Variants in HTT observed in about 807,000 individuals in gnomAD.
HTT encodes huntington disease protein.
HTT carries 104 observed loss-of-function variants against 362.3 expected under a neutral mutation model. The observed-to-expected ratio is 0.29, with a 90% CI of 0.24 to 0.34. HTT has a LOEUF of 0.34. HTT is among the 10% of genes least tolerant of loss of function. The pLI, the probability that HTT is intolerant of heterozygous loss-of-function variation, is 1.00. For missense variants in HTT, 3,301 were observed against 3,928.6 expected (o/e 0.84, Z 4.27); for synonymous variants, 1,577 against 1,548.7 (o/e 1.02, Z -0.43).
At chr4:3,085,501 T>C (rs550184861) in intron 1 of HTT, among the ~76,000 whole-genome samples, 1 of 152,238 alleles carries the variant, frequency 6.6e-6, no homozygotes, top group Admixed American at 6.5e-5. Context: ...AAGCCAGGAC[T>C]GTTCTTACCC....
intron 5 of HTT, among the ~76,000 whole-genome samples, chr4:3,105,832 T>C (rs1278214160): frequency 6.6e-6 from 1 of 152,234 alleles, no homozygotes; most frequent in African/African-American, 2.4e-5. Context: ...TATAGCAAAA[T>C]ATCCATTTGT....
chr4:3,242,609 G>A lies in HTT; in HGVS notation c.*2550G>A, dbSNP rs1721856996. ...CACTAGGATCCCACTGGCGAAGATG[G>A]TCTCCATATCAGCTCTCTGCAGAAG... On this transcript the variant is annotated 3_prime_UTR_variant, in exon 67 of 67. Transcript: ENST00000355072. 1 of 152,198 alleles carries A rather than the reference G, an allele frequency of 6.6e-6. No individual in the cohort carries two copies. The highest frequency in any genetic ancestry group is 2.4e-5 in the African/African-American group (1 of 41,436). 9.4% of individuals were successfully genotyped at this position (152,198 alleles called of 1,614,324 possible). A position where few individuals can be genotyped will look rare whatever the true frequency, so the allele number is the denominator to read the frequency against.
chr4:3,188,811 C>A, intron 39 of HTT, 140 bp from the exon 40 acceptor site: 1 of 765,732 alleles, frequency 1.3e-6, no homozygotes, highest in Non-Finnish European at 2.1e-6. Flanking sequence ...GGCGACGGCG[C>A]TCTGCATTTC....
intron 29 of HTT, among the ~76,000 whole-genome samples, chr4:3,166,103 T>C (rs1447469549): frequency 2.0e-5 from 3 of 152,138 alleles, no homozygotes; most frequent in Non-Finnish European, 2.9e-5. Flanking sequence ...TTGGTGTGGG[T>C]GTCCTTTTTG....
At chr4:3,101,550 TA>T (rs1288400129) in intron 3 of HTT, among the ~76,000 whole-genome samples, 2 of 152,198 alleles carry the variant, frequency 1.3e-5, no homozygotes, top group Non-Finnish European at 1.5e-5. Context: ...GTAGGGAGCA[TA>T]GGCATGGTCA....
chr4:3,129,943 A>G lies in HTT; in HGVS notation c.1763A>G (p.Asn588Ser), dbSNP rs1715722676. 2 of 1,614,108 alleles carry G rather than the reference A, an allele frequency of 1.2e-6. No homozygotes were observed. The highest frequency in any genetic ancestry group is 1.7e-6 in the Non-Finnish European group (2 of 1,180,002). The change falls in exon 13 of 67, where the codon AAC becomes AGC. Residue 588 changes from asparagine to serine, a missense_variant. Physicochemically the swap from Asn to Ser is conservative, Grantham distance 46. This residue lies in a region of HTT where 2,316 missense variants were observed against 2,658.5 expected (regional missense o/e 0.87). Transcript: ENST00000355072. Reference protein sequence around the residue: ...SSEIVLDGTDNQYLGLQIGQP... With the variant: ...SSEIVLDGTDSQYLGLQIGQP... ...GTTTAGGTGTTAGACGGTACCGACAACCAGTATTTGGGCCTGCAGATTGGA... is the reference window on the plus strand; with the variant it reads ...GTTTAGGTGTTAGACGGTACCGACAGCCAGTATTTGGGCCTGCAGATTGGA...
intron 2 of HTT, among the ~76,000 whole-genome samples, chr4:3,094,847 C>T (rs1005639452): frequency 1.3e-5 from 2 of 150,196 alleles, no homozygotes; most frequent in Admixed American, 6.6e-5. Flanking sequence ...ACCTCCCAGA[C>T]GGGGTGGCAG....
chr4:3,183,843 G>A (rs1490175838), intron 37 of HTT, among the ~76,000 whole-genome samples: 2 of 152,182 alleles, frequency 1.3e-5, no homozygotes, highest in Non-Finnish European at 2.9e-5. Flanking sequence ...TTTATGAAAC[G>A]CTTAGTGCAG....
chr4:3,229,049 C>G (rs763485693), intron 59 of HTT, 40 bp downstream of exon 59: 6 of 1,584,084 alleles, frequency 3.8e-6, no homozygotes, highest in South Asian at 1.1e-5. Context: ...CTGCACGTGC[C>G]ACACGCACCA....
In HTT at chr4:3,214,052, G is replaced by T; in HGVS notation, c.6869G>T (p.Gly2290Val). The change falls in exon 50 of 67, where the codon GGC (glycine) becomes GTC (valine). Residue 2290 changes from glycine (G) to valine (V), a missense_variant. By Grantham distance (109) the Gly-to-Val change is moderately radical. Around this residue, in one of 4 missense-constraint regions of HTT, gnomAD observed 220 missense variants for 218.5 expected, o/e 1.01. Transcript: ENST00000355072. ...DCCCLALQLP[G>V]LWSVVSSTEF... The stretch of plus-strand genomic sequence containing the variant: ...TGCTGCCTGGCCCTGCAGCTGCCTG[G>T]CCTCTGGAGCGTGGTCTCCTCCACA... 6.2e-7 allele frequency: 1 copy of T among 1,610,008 alleles called. No homozygotes were observed. The highest frequency in any genetic ancestry group is 2.2e-5 in the East Asian group (1 of 44,490).
chr4:3,139,031 A>G (rs1285353882), intron 21 of HTT, among the ~76,000 whole-genome samples: 1 of 152,248 alleles, frequency 6.6e-6, no homozygotes, highest in Non-Finnish European at 1.5e-5. Context: ...TGAAAAGAAA[A>G]CCAAAGTTAC....
chr4:3,192,873 T>C (rs1213176562), intron 40 of HTT, among the ~76,000 whole-genome samples: 1 of 152,258 alleles, frequency 6.6e-6, no homozygotes, highest in African/African-American at 2.4e-5. Context: ...CCCGCCTCCA[T>C]GCTAGCAGGC....
At chr4:3,108,532 G>A (rs1714554766) in intron 6 of HTT, among the ~76,000 whole-genome samples, 1 of 152,230 alleles carries the variant, frequency 6.6e-6, no homozygotes, top group Non-Finnish European at 1.5e-5. Context: ...GTCTGTTGAA[G>A]GCAGTCCCCT....
chr4:3,079,375 A>G lies in HTT; in HGVS notation c.263+4287A>G, dbSNP rs143941484. ...GGGCTCAAGTGATCCTCCCACCTCA[A>G]CCTCACAATGTGTTGGGACTATAGG... On this transcript the variant is annotated intron_variant, in intron 1 of 66. Coordinates refer to ENST00000355072, the MANE Select transcript of HTT (RefSeq NM_001388492.1). Among the ~76,000 whole-genome samples the G allele has an allele frequency of 1.6e-3, 246 of 151,288 alleles. 2 individuals are homozygous for G. The highest frequency in any genetic ancestry group is 3.0e-3 in the Admixed American group (45 of 15,192).
Position 3,243,681 on chromosome 4 carries a change from G to A in HTT, c.*3622G>A, listed in dbSNP as rs919162186. On this transcript the variant is annotated 3_prime_UTR_variant, in exon 67 of 67. Coordinates refer to ENST00000355072, the MANE Select transcript of HTT (RefSeq NM_001388492.1). ...TGGGTGGTAACTGCCAGCCTTGGAG[G>A]ATCGTGGCCAACGTGGACCTGCCTA... is the stretch of plus-strand genomic sequence containing the variant. 39 of 152,418 alleles carry A rather than the reference G, an allele frequency of 2.6e-4. No homozygotes were observed. The highest frequency in any genetic ancestry group is 9.1e-4 in the African/African-American group (38 of 41,586). 9.4% of individuals were successfully genotyped at this position (152,418 alleles called of 1,614,324 possible).
chr4:3,155,950 C>G (rs1219683707), intron 27 of HTT, among the ~76,000 whole-genome samples: 1 of 151,388 alleles, frequency 6.6e-6, no homozygotes, highest in African/African-American at 2.4e-5. Flanking sequence ...GGCTAATTAA[C>G]CTGTGCATCA....
intron 47 of HTT, among the ~76,000 whole-genome samples, chr4:3,210,661 TC>T (rs1720109795): frequency 6.6e-6 from 1 of 152,148 alleles, no homozygotes; most frequent in Non-Finnish European, 1.5e-5. Flanking sequence ...CAGGGCTTCT[TC>T]TCAGACCTAC....
intron 61 of HTT, 125 bp downstream of exon 61, chr4:3,233,478 A>C: frequency 1.1e-6 from 1 of 944,946 alleles, no homozygotes; most frequent in Non-Finnish European, 1.6e-6. Context: ...GTGGGAACCC[A>C]GGTGGGTGCC....
intron 57 of HTT, among the ~76,000 whole-genome samples, chr4:3,226,473 A>T (rs900820518): frequency 6.6e-6 from 1 of 151,228 alleles, no homozygotes; most frequent in African/African-American, 2.4e-5. Context: ...TCTGTCCCTT[A>T]AAAAAAAATG....
Sources: gnomAD v4.1 joint callset for allele counts (sites outside exome capture counted in the v4.1 genomes callset) on GRCh38, gnomAD v4.1.1 for gene constraint, gnomAD v4.1.1 regional missense constraint, MANE v1.5 for transcripts, NCBI Gene and HGNC (gene_info 2026-07-23, HGNC 2026-07-21) for gene names.